TRMT11: variants seen among roughly 807,000 people sequenced by gnomAD.
TRMT11 encodes tRNA (guanine(10)-N(2))-methyltransferase TRMT11.
In TRMT11, 53 loss-of-function variants were observed where a neutral mutation model predicts 62.8. The ratio of observed to expected loss-of-function variants is 0.84; its 90% CI spans 0.68 to 1.06. The LOEUF is 1.06. Among genes scored for constraint, TRMT11 ranks in the 50% least tolerant of loss-of-function variants. The pLI, the probability that TRMT11 is intolerant of heterozygous loss-of-function variation, is 0.00. For synonymous variants in TRMT11, 188 were observed against 190.3 expected, an observed-to-expected ratio of 0.99 and a Z score of 0.10; for missense variants, 556 against 553.4, an observed-to-expected ratio of 1.00 and a Z score of -0.05.
chr6:126,230,948 C>T, the TRMT11 span, among the ~76,000 whole-genome samples: 1 of 152,034 alleles, frequency 6.6e-6, no homozygotes, highest in Non-Finnish European at 1.5e-5. Flanking sequence ...TTGTGGCTGT[C>T]TATTGTTAAA....
chr6:126,072,271 G>A (rs1190425591), intron 17 of TRMT11, among the ~76,000 whole-genome samples: 1 of 152,134 alleles, frequency 6.6e-6, no homozygotes, highest in African/African-American at 2.4e-5. Flanking sequence ...CTGCCCTTTA[G>A]CATAAGGTCA....
Position 125,998,310 on chromosome 6 carries a change from A to G in TRMT11, c.382A>G (p.Ile128Val). 2 of 1,587,106 alleles carry G rather than the reference A, an allele frequency of 1.3e-6. No homozygotes were observed. The highest frequency in any genetic ancestry group is 1.7e-6 in the Non-Finnish European group (2 of 1,158,640). The part of the protein sequence containing the change: ...TLTQEEKIKR[I>V]DALEFLPFEG... ...GACACAAGAAGAGAAAATCAAGCGA[A>G]TAGATGTAAGTAAATTTAGCAAAAC... Residue 128 changes from isoleucine (I) to valine (V), a missense_variant, in exon 5 of 13, where the codon ATA becomes GTA. Coordinates refer to ENST00000334379, the MANE Select transcript of TRMT11 (RefSeq NM_001031712.3).
At chr6:126,206,604 C>T (rs1393009411), downstream of TRMT11, among the ~76,000 whole-genome samples, 2 of 152,100 alleles carry the variant, frequency 1.3e-5, no homozygotes, top group African/African-American at 4.8e-5. Context: ...GGTGGAGATG[C>T]TAATTTTAGT....
At chr6:126,128,916 T>C (rs1156307252) in intron 21 of TRMT11, among the ~76,000 whole-genome samples, 3 of 29,748 alleles carry the variant, frequency 1.0e-4, no homozygotes, top group African/African-American at 5.3e-4. Flanking sequence ...TGTTTTCTGA[T>C]TTTTTTTTTT....
chr6:126,000,719 A>C (rs1792330238), intron 7 of TRMT11, among the ~76,000 whole-genome samples: 1 of 152,096 alleles, frequency 6.6e-6, no homozygotes, highest in Non-Finnish European at 1.5e-5. Context: ...AAGGTCAATA[A>C]ATTTCTAATT....
At chr6:126,257,262 T>G in the TRMT11 span, among the ~76,000 whole-genome samples, 1 of 151,972 alleles carries the variant, frequency 6.6e-6, no homozygotes, top group Non-Finnish European at 1.5e-5. Context: ...AAGGTCCTTT[T>G]CATTTTATCT....
chr6:126,250,891 C>A, the TRMT11 span, among the ~76,000 whole-genome samples: 4 of 152,124 alleles, frequency 2.6e-5, no homozygotes, highest in Non-Finnish European at 4.4e-5. Flanking sequence ...AACCATCTAT[C>A]TTTGCCATCC....
intron 21 of TRMT11, among the ~76,000 whole-genome samples, chr6:126,143,719 T>A (rs543209350): frequency 1.3e-5 from 2 of 152,324 alleles, no homozygotes; most frequent in East Asian, 1.9e-4. Flanking sequence ...GCATGTTTTT[T>A]ATAATTCTTT....
chr6:126,173,725 T>A (rs1387773050), upstream of TRMT11, among the ~76,000 whole-genome samples: 1 of 152,244 alleles, frequency 6.6e-6, no homozygotes, highest in African/African-American at 2.4e-5. Flanking sequence ...CTTCAGTGTG[T>A]TACAGAGACT....
intron 17 of TRMT11, among the ~76,000 whole-genome samples, chr6:126,079,818 A>T (rs936391852): frequency 2.0e-5 from 3 of 152,190 alleles, no homozygotes; most frequent in African/African-American, 7.2e-5. Context: ...AACTATGACC[A>T]TGGAGGATGT....
At chr6:126,219,936 A>C in the TRMT11 span, among the ~76,000 whole-genome samples, 2 of 152,214 alleles carry the variant, frequency 1.3e-5, no homozygotes, top group Non-Finnish European at 2.9e-5. Flanking sequence ...CCTTGTGGTA[A>C]CAGCCCCCCA....
At position 126,146,389 on chromosome 6, in the gene TRMT11, G is replaced by GCT. The variant is rs1777974845; in HGVS notation, c.*1824-28435_*1824-28434insTC. ...GAGGAAAAAGTAGCAGCAGGATTAG[G>GCT]CGATGGATTCAAATTCCAACTCTCT... On this transcript the variant is annotated intron_variant and NMD_transcript_variant, in intron 21 of 22. Transcript: ENST00000648977. 2.6e-5 allele frequency among the ~76,000 whole-genome samples: 4 copies of GCT among 152,268 alleles called. No homozygotes were observed. The East Asian group carries it at 7.7e-4, about 29-fold the overall frequency.
At chr6:126,011,472 A>G (rs1195894234) in intron 9 of TRMT11, 55 bp downstream of exon 9, 10 of 1,485,168 alleles carry the variant, frequency 6.7e-6, no homozygotes, top group Non-Finnish European at 8.3e-6. Context: ...AAAATCATTT[A>G]CATTTAAAGT....
Position 126,102,406 on chromosome 6 carries a change from G to A in TRMT11, c.*1438-10460G>A, listed in dbSNP as rs114697171. On this transcript the variant is annotated intron_variant and NMD_transcript_variant, in intron 17 of 22. Coordinates refer to the TRMT11 transcript ENST00000648977. ...AATATCTTTATCTTTGCCACCCACC[G>A]CAGTCCCCAGCCTCCTGCGATGCTG... 8.9e-3 allele frequency among the ~76,000 whole-genome samples: 1,351 copies of A among 152,016 alleles called. 21 individuals carry two copies. The highest frequency in any genetic ancestry group is 0.031 in the African/African-American group (1,284 of 41,362).
At chr6:126,070,949 C>T (rs1776833954) in intron 17 of TRMT11, among the ~76,000 whole-genome samples, 2 of 152,098 alleles carry the variant, frequency 1.3e-5, no homozygotes, top group African/African-American at 2.4e-5. Flanking sequence ...CCTGGCAGGC[C>T]ACAGTGATTT....
intron 21 of TRMT11, among the ~76,000 whole-genome samples, chr6:126,150,056 C>A (rs1778021033): frequency 6.6e-6 from 1 of 152,030 alleles, no homozygotes; most frequent in African/African-American, 2.4e-5. Flanking sequence ...AGAGGTGAGG[C>A]CTTTAAGAAG....
At chr6:126,071,718 G>T (rs1776864048) in intron 17 of TRMT11, among the ~76,000 whole-genome samples, 1 of 151,370 alleles carries the variant, frequency 6.6e-6, no homozygotes, top group African/African-American at 2.4e-5. Flanking sequence ...GAAGAAGAAT[G>T]TGGGATTAGA....
upstream of TRMT11, among the ~76,000 whole-genome samples, chr6:126,176,586 T>C (rs530040348): frequency 8.7e-4 from 133 of 152,272 alleles, 1 homozygote; most frequent in South Asian, 0.027. Flanking sequence ...ACCCAGACAA[T>C]GGCCTTTTCT....
chr6:126,061,993 C>G (rs1308506115), intron 17 of TRMT11, among the ~76,000 whole-genome samples: 3 of 152,228 alleles, frequency 2.0e-5, no homozygotes, highest in African/African-American at 7.2e-5. Context: ...ATGGATCCCA[C>G]CTCAGCCTCT....
Sources: gnomAD v4.1 joint callset for allele counts (sites outside exome capture counted in the v4.1 genomes callset) on GRCh38, gnomAD v4.1.1 for gene constraint, MANE v1.5 for transcripts, NCBI Gene and HGNC (gene_info 2026-07-23, HGNC 2026-07-21) for gene names.